Variants in ABL1 observed in about 807,000 individuals in gnomAD.
The protein encoded by ABL1 is ABL proto-oncogene 1, non-receptor tyrosine kinase.
Under a neutral mutation model 94.7 loss-of-function variants are expected in ABL1, and 11 were observed. The observed-to-expected ratio is 0.12, with a 90% CI of 0.07 to 0.19. The LOEUF (loss-of-function observed/expected upper bound fraction) is 0.19, where lower values mean the gene tolerates loss of function less well. Ranked by LOEUF, ABL1 falls within the 10% of genes least tolerant of loss-of-function variation. The probability of loss-of-function intolerance (pLI) is 1.00; values close to 1 mark genes in which losing one functional copy is unlikely to be tolerated. For missense variants in ABL1, 1,082 were observed against 1,489.4 expected (o/e 0.73, Z 4.50); for synonymous variants, 656 against 622.4 (o/e 1.05, Z -0.80).
At chr9:130,798,740 G>C (rs910335998) in intron 1 of ABL1, among the ~76,000 whole-genome samples, 1 of 151,990 alleles carries the variant, frequency 6.6e-6, no homozygotes, top group Admixed American at 6.6e-5. Context: ...AGGCTGAGGC[G>C]GGTGGATCAC....
At chr9:130,878,599 T>C in intron 8 of ABL1, 32 bp downstream of exon 8, 1 of 1,606,618 alleles carries the variant, frequency 6.2e-7, no homozygotes, top group Non-Finnish European at 8.5e-7. Flanking sequence ...CTCACGAGTA[T>C]ATGTGGGCAT....
intron 1 of ABL1, among the ~76,000 whole-genome samples, chr9:130,760,395 A>C (rs1832095802): frequency 6.6e-6 from 1 of 152,190 alleles, no homozygotes; most frequent in Non-Finnish European, 1.5e-5. Context: ...TGATTGAAAC[A>C]AGAAATCTGT....
chr9:130,816,224 G>A (rs1830284485), intron 1 of ABL1, among the ~76,000 whole-genome samples: 1 of 152,100 alleles, frequency 6.6e-6, no homozygotes, highest in African/African-American at 2.4e-5. Context: ...TGCACTTGCT[G>A]TTCTCTGCCA....
intron 4 of ABL1, among the ~76,000 whole-genome samples, chr9:130,865,745 CCAAAA>C (rs1451215535): frequency 2.0e-3 from 178 of 88,578 alleles, no homozygotes; most frequent in African/African-American, 0.013. Flanking sequence ...GACCCTGTCT[CCAAAA>C]AAAAAAAAAA....
intron 1 of ABL1, among the ~76,000 whole-genome samples, chr9:130,808,610 CT>C (rs1671714551): frequency 6.6e-6 from 1 of 152,266 alleles, no homozygotes; most frequent in Admixed American, 6.5e-5. Flanking sequence ...TAGATAGGGC[CT>C]TCAGACTTGC....
intron 1 of ABL1, among the ~76,000 whole-genome samples, chr9:130,829,997 A>T (rs532079803): frequency 6.6e-6 from 1 of 152,262 alleles, no homozygotes; most frequent in South Asian, 2.1e-4. Flanking sequence ...ATACAGGGGA[A>T]AGGGATTGCT....
intron 1 of ABL1, among the ~76,000 whole-genome samples, chr9:130,790,367 A>G (rs989198865): frequency 2.6e-5 from 4 of 152,202 alleles, no homozygotes; most frequent in Non-Finnish European, 5.9e-5. Context: ...TTCAGCCTGC[A>G]TATCTAAGCT....
At position 130,790,083 on chromosome 9, in the gene ABL1, G is replaced by A. The variant is rs145580461; in HGVS notation, c.137-63981G>A. 2.2e-3 allele frequency among the ~76,000 whole-genome samples: 331 copies of A among 152,318 alleles called. 3 individuals carry two copies. Among genetic ancestry groups the A allele is most frequent in the East Asian group, 9.8e-3 (51 of 5,184 alleles). On this transcript the variant is annotated intron_variant, in intron 1 of 10. Coordinates refer to the ABL1 transcript ENST00000372348. ...TGGAAGCTAGCACAACAGTTTAAAC[G>A]GAGGCCCATAGGCCATGTCTAAATA...
chr9:130,775,124 C>G (rs957556154), intron 1 of ABL1, among the ~76,000 whole-genome samples: 2 of 152,162 alleles, frequency 1.3e-5, no homozygotes, highest in Non-Finnish European at 2.9e-5. Context: ...TACTACAGTT[C>G]CTAGTTAGCT....
At chr9:130,789,783 A>T (rs1354502193) in intron 1 of ABL1, among the ~76,000 whole-genome samples, 1 of 152,244 alleles carries the variant, frequency 6.6e-6, no homozygotes, top group African/African-American at 2.4e-5. Flanking sequence ...TGAGATAAAA[A>T]ATTTATGGAT....
chr9:130,775,169 C>G (rs979645903), intron 1 of ABL1, among the ~76,000 whole-genome samples: 23 of 152,186 alleles, frequency 1.5e-4, no homozygotes, highest in African/African-American at 5.3e-4. Flanking sequence ...TGGACTATAT[C>G]TATCTTTTTC....
rs575733840 is a variant in ABL1 at position 130,759,414 on chromosome 9, A to G, written c.136+44959A>G. Among the ~76,000 whole-genome samples the G allele has an allele frequency of 5.3e-5, 8 of 152,260 alleles. No homozygotes were observed. In the South Asian group the frequency reaches 1.7e-3, roughly 32 times the overall value. ...AGCTCCTTGGCCAAATGCGTTGTTG[A>G]TGTTGCGAGTTGTCTCCAGTGCTTT... On this transcript the variant is annotated intron_variant, in intron 1 of 10. Transcript: ENST00000372348.
At chr9:130,854,270 C>A in intron 2 of ABL1, 33 bp downstream of exon 2, 1 of 1,600,566 alleles carries the variant, frequency 6.2e-7, no homozygotes, top group Non-Finnish European at 8.5e-7. Context: ...GTGGTGGTTG[C>A]AGGAGATAGA....
chr9:130,876,941 G>A (rs546414167), intron 7 of ABL1, among the ~76,000 whole-genome samples: 23 of 146,152 alleles, frequency 1.6e-4, no homozygotes, highest in Admixed American at 1.1e-3. Flanking sequence ...GTTTCACTGC[G>A]TTAGCCAGGA....
Position 130,835,603 on chromosome 9 carries a change from GC to G in ABL1, c.79+81del. On this transcript the variant is annotated intron_variant, in intron 1 of 10. Transcript: ENST00000318560. This position sits in a 1 kb window ranked among gnomAD's most constrained non-coding sequence, Gnocchi z 4.6. ...TGCTGGGCCCTTCCTAGGCCTCGCC[GC>G]CCGCGCGCTCCCGCCTGCGCCCTCC... 1.6e-6 allele frequency: 2 copies of G among 1,272,558 alleles called. No homozygotes were observed. Among genetic ancestry groups the G allele is most frequent in the Non-Finnish European group, 1.1e-6 (1 of 906,086 alleles). The allele number at this position is 1,272,558 out of a possible 1,614,324, so 78.8% of individuals were successfully genotyped here.
chr9:130,755,519 G>A (rs1355481021), intron 1 of ABL1, among the ~76,000 whole-genome samples: 1 of 152,144 alleles, frequency 6.6e-6, no homozygotes, highest in Non-Finnish European at 1.5e-5. Flanking sequence ...CTATCTGCAT[G>A]TTCGTGGTCT....
chr9:130,788,137 T>C (rs1362591914), intron 1 of ABL1, among the ~76,000 whole-genome samples: 1 of 152,242 alleles, frequency 6.6e-6, no homozygotes, highest in Non-Finnish European at 1.5e-5. Context: ...AAATACTGTA[T>C]GTATAGTTAC....
At chr9:130,866,318 T>C (rs1225359108) in intron 4 of ABL1, among the ~76,000 whole-genome samples, 2 of 152,128 alleles carry the variant, frequency 1.3e-5, no homozygotes, top group Non-Finnish European at 2.9e-5. Flanking sequence ...CCATAAAATA[T>C]TTACATAAGC....
At chr9:130,764,173 A>G (rs781130747) in intron 1 of ABL1, among the ~76,000 whole-genome samples, 23 of 152,188 alleles carry the variant, frequency 1.5e-4, no homozygotes, top group Middle Eastern at 3.2e-3. Context: ...CAGAGAGGCC[A>G]GGACACACAC....
Sources: gnomAD v4.1 joint callset for allele counts (sites outside exome capture counted in the v4.1 genomes callset) on GRCh38, gnomAD v4.1.1 for gene constraint, Gnocchi (gnomAD v3.1) non-coding constraint, MANE v1.5 for transcripts, NCBI Gene and HGNC (gene_info 2026-07-23, HGNC 2026-07-21) for gene names.